AK5: variants seen among roughly 807,000 people sequenced by gnomAD.
The protein encoded by AK5 is adenylate kinase 5.
A neutral mutation model predicts 69.5 loss-of-function variants in AK5; 27 were observed. The ratio of observed to expected loss-of-function variants is 0.39; its 90% CI spans 0.29 to 0.54. The LOEUF is 0.54. Among genes scored for constraint, AK5 ranks in the 20% least tolerant of loss-of-function variants. The probability of loss-of-function intolerance (pLI) is 0.71; values close to 1 mark genes in which losing one functional copy is unlikely to be tolerated. For missense variants in AK5, 531 were observed against 700.4 expected, an observed-to-expected ratio of 0.76 and a Z score of 2.73; for synonymous variants, 260 against 244.4, an observed-to-expected ratio of 1.06 and a Z score of -0.60.
chr1:77,350,923 T>G (rs1320391882), intron 6 of AK5, among the ~76,000 whole-genome samples: 2 of 152,218 alleles, frequency 1.3e-5, no homozygotes, highest in African/African-American at 4.8e-5. Context: ...CACTAATAAC[T>G]GTTTCAAAAT....
chr1:77,503,585 T>C (rs1178256835), intron 10 of AK5, among the ~76,000 whole-genome samples: 1 of 152,100 alleles, frequency 6.6e-6, no homozygotes, highest in Non-Finnish European at 1.5e-5. Flanking sequence ...ACTGGATAGA[T>C]TTGTCTATAA....
intron 8 of AK5, among the ~76,000 whole-genome samples, chr1:77,476,354 G>A (rs1411631978): frequency 1.3e-5 from 2 of 152,090 alleles, no homozygotes; most frequent in African/African-American, 4.8e-5. Context: ...ATTTCTGAAG[G>A]ACCAGTCTCC....
At chr1:77,382,847 C>T (rs1479936066) in intron 6 of AK5, among the ~76,000 whole-genome samples, 2 of 152,192 alleles carry the variant, frequency 1.3e-5, no homozygotes, top group Non-Finnish European at 2.9e-5. Flanking sequence ...TAATAATACT[C>T]TTTCATCCAG....
chr1:77,523,220 C>T (rs1031553209), intron 12 of AK5, among the ~76,000 whole-genome samples: 2 of 152,134 alleles, frequency 1.3e-5, no homozygotes, highest in African/African-American at 4.8e-5. Flanking sequence ...AAACCAGAGT[C>T]AAAGAAAACA....
At chr1:77,554,730 C>T (rs557280913) in intron 13 of AK5, among the ~76,000 whole-genome samples, 10 of 151,436 alleles carry the variant, frequency 6.6e-5, no homozygotes, top group South Asian at 6.3e-4. Context: ...CTGAGCCTCC[C>T]GAGTAGCTGG....
At chr1:77,393,863 C>T (rs930635912) in intron 6 of AK5, among the ~76,000 whole-genome samples, 1 of 152,184 alleles carries the variant, frequency 6.6e-6, no homozygotes, top group Non-Finnish European at 1.5e-5. Flanking sequence ...CAAAGAGAAA[C>T]AGTGCATTAT....
At chr1:77,386,208 T>G (rs747507840) in intron 6 of AK5, among the ~76,000 whole-genome samples, 2 of 152,220 alleles carry the variant, frequency 1.3e-5, no homozygotes, top group Non-Finnish European at 2.9e-5. Flanking sequence ...TTTTAGGCTG[T>G]GTGTGAAATT....
intron 8 of AK5, among the ~76,000 whole-genome samples, chr1:77,424,120 G>T (rs1298711324): frequency 6.6e-6 from 1 of 152,100 alleles, no homozygotes; most frequent in Non-Finnish European, 1.5e-5. Context: ...TATTTACTGT[G>T]GTTCCTTTTA....
chr1:77,313,981 C>T (rs1557488077), intron 5 of AK5: 1 of 455,478 alleles, frequency 2.2e-6, no homozygotes, highest in Non-Finnish European at 4.5e-6. Context: ...TGGCTATTTG[C>T]TTGATGGACA....
At chr1:77,295,144 C>G (rs920290429) in intron 3 of AK5, among the ~76,000 whole-genome samples, 24 of 152,208 alleles carry the variant, frequency 1.6e-4, no homozygotes, top group African/African-American at 5.3e-4. Flanking sequence ...AATCACCTTT[C>G]ACAGAGATGA....
At chr1:77,552,392 A>G (rs935927760) in intron 13 of AK5, among the ~76,000 whole-genome samples, 1 of 152,146 alleles carries the variant, frequency 6.6e-6, no homozygotes. Flanking sequence ...CTTTAACAAG[A>G]ATCATTGAAC....
At chr1:77,324,856 G>A (rs748245272) in intron 5 of AK5, among the ~76,000 whole-genome samples, 15 of 152,144 alleles carry the variant, frequency 9.9e-5, no homozygotes, top group African/African-American at 2.9e-4. Context: ...GTAGTCTCTC[G>A]GCTTAGCTTC....
intron 13 of AK5, among the ~76,000 whole-genome samples, chr1:77,541,488 C>T (rs948777412): frequency 2.0e-5 from 3 of 152,162 alleles, no homozygotes; most frequent in Admixed American, 2.0e-4. Flanking sequence ...CATTGTGGGG[C>T]GTTTTCACCA....
At chr1:77,356,114 A>T (rs1022821004) in intron 6 of AK5, among the ~76,000 whole-genome samples, 11 of 152,176 alleles carry the variant, frequency 7.2e-5, no homozygotes, top group Admixed American at 6.5e-5. Flanking sequence ...TCTTGGTTAA[A>T]CTGCACATCA....
At chr1:77,321,540 G>C (rs1189174795) in intron 5 of AK5, among the ~76,000 whole-genome samples, 1 of 151,756 alleles carries the variant, frequency 6.6e-6, no homozygotes, top group Non-Finnish European at 1.5e-5. Context: ...AGCAGAAAAA[G>C]CATTTGACAA....
intron 6 of AK5, among the ~76,000 whole-genome samples, chr1:77,353,632 T>A (rs1045752163): frequency 3.9e-5 from 6 of 152,222 alleles, no homozygotes; most frequent in African/African-American, 1.4e-4. Flanking sequence ...TGCGTCTCAC[T>A]CTGACATTAC....
At position 77,546,225 on chromosome 1, in the gene AK5, A is replaced by G. The variant is rs138315947; in HGVS notation, c.1620+10187A>G. Among the ~76,000 whole-genome samples the G allele has an allele frequency of 3.1e-3, 477 of 152,212 alleles. 2 individuals carry two copies. Among genetic ancestry groups the G allele is most frequent in the African/African-American group, 0.011 (463 of 41,516 alleles). On this transcript the variant is annotated intron_variant, in intron 13 of 13. Transcript: ENST00000354567. ...TGATTTCTTCCTCTGTGGTTGCTATAATCACATAGCAGATTTTGCCTTTGC... is the reference window on the plus strand; with the variant it reads ...TGATTTCTTCCTCTGTGGTTGCTATGATCACATAGCAGATTTTGCCTTTGC...
intron 12 of AK5, among the ~76,000 whole-genome samples, chr1:77,533,235 G>A (rs987407588): frequency 6.6e-6 from 1 of 152,032 alleles, no homozygotes; most frequent in Non-Finnish European, 1.5e-5. Context: ...CAGACTCTAG[G>A]CTGGGTGCGG....
intron 2 of AK5, among the ~76,000 whole-genome samples, chr1:77,292,885 T>C (rs1189649961): frequency 1.3e-5 from 2 of 152,204 alleles, no homozygotes; most frequent in Admixed American, 6.5e-5. Flanking sequence ...TTAACACTTA[T>C]CGTGGCTGGT....
Sources: allele counts gnomAD v4.1 joint callset (sites outside exome capture counted in the v4.1 genomes callset), GRCh38; gene constraint gnomAD v4.1.1; transcripts MANE v1.5; gene names NCBI Gene and HGNC (gene_info 2026-07-23, HGNC 2026-07-21).